Variants in PPP5C observed in about 807,000 individuals in gnomAD.
The protein encoded by PPP5C is protein phosphatase 5 catalytic subunit.
PPP5C carries 21 observed loss-of-function variants against 66.7 expected under a neutral mutation model. The observed-to-expected ratio is 0.31, with a 90% CI of 0.22 to 0.45. PPP5C has a LOEUF of 0.45. Ranked by LOEUF, PPP5C falls within the 20% of genes least tolerant of loss-of-function variation. The pLI is 1.00. For missense variants in PPP5C, 464 were observed against 675.9 expected (o/e 0.69, Z 3.48); for synonymous variants, 246 against 257.4 (o/e 0.96, Z 0.43).
chr19:46,376,428 T>C lies in PPP5C; in HGVS notation c.512-25T>C, dbSNP rs1423479345. On this transcript the variant is annotated intron_variant, in intron 3 of 12. Coordinates refer to ENST00000012443, the MANE Select transcript of PPP5C (RefSeq NM_006247.4). This position sits in a 1 kb window ranked among gnomAD's most constrained non-coding sequence, Gnocchi z 5.1. Reference sequence around the variant, plus strand: ...TCATAGTGGCTGTGGTCACTGACTCTCGTGTCCCGTTGTTCACACCCTAGC... The same window carrying C: ...TCATAGTGGCTGTGGTCACTGACTCCCGTGTCCCGTTGTTCACACCCTAGC... 1.2e-6 allele frequency: 2 copies of C among 1,610,860 alleles called. No homozygotes were observed. The highest frequency in any genetic ancestry group is 2.7e-5 in the African/African-American group (2 of 74,844).
chr19:46,358,418 C>T (rs1044867972), intron 2 of PPP5C, among the ~76,000 whole-genome samples: 4 of 152,162 alleles, frequency 2.6e-5, no homozygotes, highest in Non-Finnish European at 5.9e-5. Flanking sequence ...CCCTTTCAGG[C>T]ATTAGGTATA....
chr19:46,388,384 A>G lies in PPP5C; in HGVS notation c.1136-24A>G, dbSNP rs762387748. On this transcript the variant is annotated intron_variant, in intron 9 of 12. Coordinates refer to ENST00000012443, the MANE Select transcript of PPP5C (RefSeq NM_006247.4). This position sits in a 1 kb window ranked among gnomAD's most constrained non-coding sequence, Gnocchi z 4.9. ...CCCCCGGGGAGGTGGACGAGTCCCT[A>G]ATGTTTCCCTCGCTCCCCACCAGGG... is the stretch of plus-strand genomic sequence containing the variant. The G allele has an allele frequency of 6.2e-7, 1 of 1,605,422 alleles. No homozygotes were observed. The highest frequency in any genetic ancestry group is 1.3e-5 in the African/African-American group (1 of 74,764).
At position 46,383,012 on chromosome 19, in the gene PPP5C, T is replaced by G; in HGVS notation, c.634-399T>G. On this transcript the variant is annotated intron_variant, in intron 4 of 12. Coordinates refer to ENST00000012443, the MANE Select transcript of PPP5C (RefSeq NM_006247.4). This position sits in a 1 kb window ranked among gnomAD's most constrained non-coding sequence, Gnocchi z 5.0. ...CCAGTGTTGCCTATGACCTGCCTTT[T>G]TACCTCTTTTTACCTAGAAAGTCTC... 1 of 1,066,786 alleles carries G rather than the reference T, an allele frequency of 9.4e-7. No homozygotes were observed. The highest frequency in any genetic ancestry group is 1.2e-6 in the Non-Finnish European group (1 of 842,354). The allele number at this position is 1,066,786 out of a possible 1,614,324, so 66.1% of individuals were successfully genotyped here.
chr19:46,382,546 C>CCCTTCACACAGT (rs1972810915), intron 4 of PPP5C: 1 of 152,606 alleles, frequency 6.6e-6, no homozygotes, highest in South Asian at 2.1e-4. Context: ...GTACAGTTAA[C>CCCTTCACACAGT]ATCTGTCCAC....
rs992955275 is a variant in PPP5C, at chr19:46,376,871, G to A, written c.633+297G>A. ...GAAGCAGTAGAGTCTGTTGCTTTGA[G>A]TTCTCATCCCAGGCTCTTGGGCGTC... On this transcript the variant is annotated intron_variant, in intron 4 of 12. Coordinates refer to ENST00000012443, the MANE Select transcript of PPP5C (RefSeq NM_006247.4). This position sits in a 1 kb window ranked among gnomAD's most constrained non-coding sequence, Gnocchi z 5.1. 6.6e-6 allele frequency among the ~76,000 whole-genome samples: 1 copy of A among 152,204 alleles called. No individual in the cohort carries two copies. The highest frequency in any genetic ancestry group is 1.5e-5 in the Non-Finnish European group (1 of 68,032).
chr19:46,387,696 CTTAT>C (rs776792402), intron 9 of PPP5C: 22 of 1,436,268 alleles, frequency 1.5e-5, no homozygotes, highest in Middle Eastern at 2.2e-4. Flanking sequence ...CACACCTGTC[CTTAT>C]TTATTTGTGA....
chr19:46,385,035 T>C (rs1972858538), intron 7 of PPP5C, 126 bp downstream of exon 7: 1 of 736,856 alleles, frequency 1.4e-6, no homozygotes, highest in Admixed American at 2.2e-5. Context: ...GGGCGACCTT[T>C]TAAGATTGAG....
At chr19:46,359,946 T>C (rs1972354513) in intron 2 of PPP5C, among the ~76,000 whole-genome samples, 1 of 152,004 alleles carries the variant, frequency 6.6e-6, no homozygotes, top group Non-Finnish European at 1.5e-5. Context: ...ACCTGGCTAA[T>C]TTTTGTATTT....
chr19:46,371,458 G>A (rs922031143), intron 2 of PPP5C, among the ~76,000 whole-genome samples: 4 of 152,134 alleles, frequency 2.6e-5, no homozygotes, highest in South Asian at 2.1e-4. Flanking sequence ...GCTACCCTGC[G>A]CAGTGGAGAC....
intron 2 of PPP5C, among the ~76,000 whole-genome samples, chr19:46,358,800 GTTAT>G (rs988354841): frequency 6.6e-6 from 1 of 152,156 alleles, no homozygotes; most frequent in Non-Finnish European, 1.5e-5. Context: ...TTGGCTCTGC[GTTAT>G]TAAATTACAG....
chr19:46,359,488 C>T (rs1972344179), intron 2 of PPP5C, among the ~76,000 whole-genome samples: 1 of 152,108 alleles, frequency 6.6e-6, no homozygotes, highest in African/African-American at 2.4e-5. Context: ...TGGGGACTTA[C>T]TGTAGCCAAG....
intron 2 of PPP5C, among the ~76,000 whole-genome samples, chr19:46,369,549 G>C (rs754217027): frequency 6.8e-6 from 1 of 148,140 alleles, no homozygotes; most frequent in Non-Finnish European, 1.5e-5. Context: ...GGAGAATGGC[G>C]TGAACCCGGG....
At chr19:46,375,406 G>A (rs1327632657) in intron 2 of PPP5C, among the ~76,000 whole-genome samples, 198 bp from the exon 3 acceptor site, 1 of 152,224 alleles carries the variant, frequency 6.6e-6, no homozygotes, top group Non-Finnish European at 1.5e-5. Flanking sequence ...GCACCCATGC[G>A]GGCAGCTTTG....
chr19:46,365,703 A>G (rs8105297), intron 2 of PPP5C, among the ~76,000 whole-genome samples: 148,284 of 152,238 alleles, frequency 0.97, 72,246 homozygotes, highest in East Asian at 1. Context: ...ATGGAAAAAC[A>G]TCCCCATACC....
chr19:46,348,215 G>T (rs1972118902), intron 1 of PPP5C, among the ~76,000 whole-genome samples: 1 of 152,038 alleles, frequency 6.6e-6, no homozygotes, highest in African/African-American at 2.4e-5. Context: ...TGGGGCTTTG[G>T]CTACTTAGGG....
At chr19:46,352,774 C>G (rs530786454) in intron 1 of PPP5C, among the ~76,000 whole-genome samples, 1 of 148,146 alleles carries the variant, frequency 6.8e-6, no homozygotes, top group African/African-American at 2.5e-5. Flanking sequence ...GAGCGGAGAT[C>G]GCACCGCTGC....
intron 6 of PPP5C, chr19:46,384,119 C>G: frequency 1.9e-6 from 1 of 531,132 alleles, no homozygotes; most frequent in Non-Finnish European, 3.4e-6. Context: ...GTAGCTCAGT[C>G]TCTCTGGGTC....
chr19:46,388,297 C>T lies in PPP5C; in HGVS notation c.1136-111C>T. On this transcript the variant is annotated intron_variant, in intron 9 of 12. Transcript: ENST00000012443. The surrounding 1 kb of genome is among the most constrained non-coding windows in gnomAD (Gnocchi z 4.9). ...TGCTGGATGTCCCCTGCCCAACACC[C>T]ACCCAGGCTGGGCTGTGGGGTCAGC... 2 of 1,217,086 alleles carry T rather than the reference C, an allele frequency of 1.6e-6. No individual in the cohort carries two copies. The highest frequency in any genetic ancestry group is 2.3e-6 in the Non-Finnish European group (2 of 884,244). 75.4% of individuals were successfully genotyped at this position (1,217,086 alleles called of 1,614,324 possible). A position where few individuals can be genotyped will look rare whatever the true frequency, so the allele number is the denominator to read the frequency against.
At chr19:46,357,988 T>G (rs1972316631) in intron 2 of PPP5C, among the ~76,000 whole-genome samples, 1 of 152,172 alleles carries the variant, frequency 6.6e-6, no homozygotes. Context: ...GGCTGAAACA[T>G]TCCAACCTTA....
Sources: allele counts gnomAD v4.1 joint callset (sites outside exome capture counted in the v4.1 genomes callset), GRCh38; gene constraint gnomAD v4.1.1; non-coding constraint Gnocchi (gnomAD v3.1); transcripts MANE v1.5; gene names NCBI Gene and HGNC (gene_info 2026-07-23, HGNC 2026-07-21).